PCDHA10: variants seen among roughly 807,000 people sequenced by gnomAD.
PCDHA10 encodes the protein protocadherin alpha 10, also known as protocadherin alpha-10.
In PCDHA10, 45 loss-of-function variants were observed where a neutral mutation model predicts 61.2. The observed-to-expected ratio is 0.74, with a 90% CI of 0.58 to 0.94. PCDHA10 has a LOEUF of 0.94. PCDHA10 is among the 40% of genes least tolerant of loss of function. PCDHA10 has a pLI of 0.00. For synonymous variants in PCDHA10, 602 were observed against 548.8 expected (o/e 1.10, Z -1.35); for missense variants, 1,278 against 1,236.2 (o/e 1.03, Z -0.51).
chr5:140,908,169 C>T (rs1361651305), intron 1 of PCDHA10, among the ~76,000 whole-genome samples: 2 of 152,192 alleles, frequency 1.3e-5, no homozygotes, highest in African/African-American at 4.8e-5. Context: ...TGTAGTGCTG[C>T]AGCTGTCCAC....
chr5:140,913,103 G>A (rs2076206771), intron 1 of PCDHA10, among the ~76,000 whole-genome samples: 1 of 152,144 alleles, frequency 6.6e-6, no homozygotes, highest in Admixed American at 6.5e-5. Context: ...TGGCCTCATA[G>A]AATCAGTTTG....
chr5:140,897,080 A>AT lies in PCDHA10; in HGVS notation c.2388+38650dup, dbSNP rs201233181. The stretch of plus-strand genomic sequence containing the variant: ...ATACTATGTCTTATTCATTTTTTCT[A>AT]TTTTTTATCCTCATTAAAAATCTCC... On this transcript the variant is annotated intron_variant, in intron 1 of 3. Transcript: ENST00000307360. 8.0e-3 allele frequency among the ~76,000 whole-genome samples: 1,212 copies of AT among 152,020 alleles called. 6 individuals carry two copies. Among genetic ancestry groups the AT allele is most frequent in the African/African-American group, 0.019 (783 of 41,452 alleles).
At chr5:140,999,980 C>G (rs1386394350) in intron 3 of PCDHA10, among the ~76,000 whole-genome samples, 1 of 152,076 alleles carries the variant, frequency 6.6e-6, no homozygotes, top group East Asian at 1.9e-4. Flanking sequence ...GCTCTAGCGG[C>G]CTCTGGGTAG....
At chr5:140,960,306 A>G (rs1554224657) in intron 1 of PCDHA10, among the ~76,000 whole-genome samples, 1 of 152,136 alleles carries the variant, frequency 6.6e-6, no homozygotes, top group African/African-American at 2.4e-5. Context: ...ATCAATACCA[A>G]CCTCATTAGG....
At chr5:140,882,577 C>A (rs370671644) in intron 1 of PCDHA10, 3 of 1,614,238 alleles carry the variant, frequency 1.9e-6, no homozygotes, top group South Asian at 2.2e-5. Flanking sequence ...CGGAGTGCAG[C>A]ATCCACCTGG....
intron 1 of PCDHA10, among the ~76,000 whole-genome samples, chr5:140,904,904 C>T (rs1463349424): frequency 6.6e-6 from 1 of 151,948 alleles, no homozygotes; most frequent in East Asian, 1.9e-4. Context: ...GTTTTTCTTA[C>T]TGATTTGTTT....
intron 3 of PCDHA10, among the ~76,000 whole-genome samples, chr5:140,995,889 A>G (rs1007675217): frequency 1.3e-5 from 2 of 152,202 alleles, no homozygotes; most frequent in African/African-American, 4.8e-5. Context: ...CTTCAGATTT[A>G]TCAATGTATA....
intron 1 of PCDHA10, chr5:140,882,292 C>G (rs2059050033): frequency 1.2e-6 from 2 of 1,613,422 alleles, no homozygotes; most frequent in African/African-American, 1.3e-5. Flanking sequence ...GGCAAGGAGG[C>G]CCAAGACCGC....
intron 1 of PCDHA10, chr5:140,875,698 G>T: frequency 6.2e-7 from 1 of 1,614,084 alleles, no homozygotes; most frequent in Non-Finnish European, 8.5e-7. Flanking sequence ...GGACCTTCTG[G>T]AGGTAAATCT....
chr5:140,904,877 AC>A (rs2071441380), intron 1 of PCDHA10, among the ~76,000 whole-genome samples: 1 of 151,792 alleles, frequency 6.6e-6, no homozygotes, highest in African/African-American at 2.4e-5. Context: ...TCCTTAGCTC[AC>A]TTTTTGATGG....
chr5:140,870,106 G>A, intron 1 of PCDHA10: 3 of 1,613,922 alleles, frequency 1.9e-6, no homozygotes, highest in Non-Finnish European at 2.5e-6. Context: ...TCACTGTACA[G>A]TCTGGGTGGA....
intron 1 of PCDHA10, among the ~76,000 whole-genome samples, chr5:140,894,895 A>G (rs557164845): frequency 6.6e-6 from 1 of 152,316 alleles, no homozygotes; most frequent in South Asian, 2.1e-4. Context: ...AGACCAGGAT[A>G]ATTTTCCTAT....
chr5:140,993,530 AG>A (rs2097570679), intron 3 of PCDHA10, among the ~76,000 whole-genome samples: 7 of 152,044 alleles, frequency 4.6e-5, no homozygotes, highest in African/African-American at 1.7e-4. Context: ...AGACAGAGAG[AG>A]AGAGAGATAG....
chr5:140,882,283 G>A (rs1554173377), intron 1 of PCDHA10: 2 of 1,612,834 alleles, frequency 1.2e-6, no homozygotes, highest in South Asian at 1.1e-5. Flanking sequence ...TGTCTTCCTG[G>A]CAAGGAGGCC....
intron 1 of PCDHA10, among the ~76,000 whole-genome samples, chr5:140,956,002 C>T (rs2095246908): frequency 6.6e-6 from 1 of 152,124 alleles, no homozygotes; most frequent in Admixed American, 6.5e-5. Context: ...GATTTTGTAT[C>T]CTGAGACTTT....
chr5:140,954,537 T>C (rs2095052425), intron 1 of PCDHA10, among the ~76,000 whole-genome samples: 1 of 152,268 alleles, frequency 6.6e-6, no homozygotes, highest in Non-Finnish European at 1.5e-5. Flanking sequence ...TTGAGGTTTT[T>C]TTCATATGTT....
chr5:140,960,665 G>A (rs1180311598), intron 1 of PCDHA10, among the ~76,000 whole-genome samples: 2 of 152,066 alleles, frequency 1.3e-5, no homozygotes, highest in Non-Finnish European at 2.9e-5. Context: ...TGAATGCTTT[G>A]GCTAAAACCT....
chr5:140,925,427 G>A (rs1394500937), intron 1 of PCDHA10, among the ~76,000 whole-genome samples: 2 of 152,012 alleles, frequency 1.3e-5, no homozygotes, highest in Non-Finnish European at 2.9e-5. Context: ...CTGGTTGTAG[G>A]GTGTTAGGCA....
intron 1 of PCDHA10, chr5:140,926,550 C>A (rs1235832737): frequency 1.7e-5 from 4 of 233,488 alleles, no homozygotes; most frequent in Admixed American, 5.6e-5. Context: ...TGGTCGAGAC[C>A]CCAGCCCGCT....
Sources: gnomAD v4.1 joint callset for allele counts (sites outside exome capture counted in the v4.1 genomes callset) on GRCh38, gnomAD v4.1.1 for gene constraint, MANE v1.5 for transcripts, NCBI Gene and HGNC (gene_info 2026-07-23, HGNC 2026-07-21) for gene names.